The following LSP1 variants were observed in gnomAD, a reference collection of about 807,000 sequenced individuals.
LSP1 encodes the protein lymphocyte specific protein 1.
LSP1 carries 32 observed loss-of-function variants against 49.3 expected under a neutral mutation model. That is an observed-to-expected ratio of 0.65 (90% CI 0.49 to 0.87). The LOEUF is 0.87. Ranked by LOEUF, LSP1 falls within the 40% of genes least tolerant of loss-of-function variation. The pLI, the probability that LSP1 is intolerant of heterozygous loss-of-function variation, is 0.00. For missense variants in LSP1, 428 were observed against 442.6 expected, an observed-to-expected ratio of 0.97 and a Z score of 0.30; for synonymous variants, 179 against 178.8, an observed-to-expected ratio of 1.00 and a Z score of -0.01.
chr11:1,856,333 C>T (rs1370447239), intron 1 of LSP1, among the ~76,000 whole-genome samples: 1 of 152,274 alleles, frequency 6.6e-6, no homozygotes, highest in Non-Finnish European at 1.5e-5. Context: ...GTTGAACTCA[C>T]TTCCCATCCC....
chr11:1,861,059 G>A (rs1410794132), intron 1 of LSP1, among the ~76,000 whole-genome samples: 1 of 152,220 alleles, frequency 6.6e-6, no homozygotes. Flanking sequence ...CTATTAGAAA[G>A]ACGGATGTGT....
chr11:1,875,446 A>T (rs1464874768), intron 1 of LSP1, among the ~76,000 whole-genome samples: 1 of 152,046 alleles, frequency 6.6e-6, no homozygotes, highest in South Asian at 2.1e-4. Flanking sequence ...GCACAGAGCC[A>T]CTCCCTCTGA....
At chr11:1,874,292 G>A (rs542248682) in intron 1 of LSP1, among the ~76,000 whole-genome samples, 51 of 103,364 alleles carry the variant, frequency 4.9e-4, no homozygotes, top group Non-Finnish European at 8.1e-4. Context: ...GGGACGGGGG[G>A]GCAGTGTTGG....
chr11:1,881,189 C>T (rs1848522927), intron 2 of LSP1: 1 of 456,232 alleles, frequency 2.2e-6, no homozygotes, highest in Non-Finnish European at 3.9e-6. Flanking sequence ...TGCTGAGCCT[C>T]AAGGAGTCCT....
chr11:1,855,909 G>A (rs1847477528), intron 1 of LSP1, among the ~76,000 whole-genome samples: 2 of 152,202 alleles, frequency 1.3e-5, no homozygotes, highest in Non-Finnish European at 1.5e-5. Flanking sequence ...CGATGAGGAC[G>A]GGGCGTCCTG....
chr11:1,884,799 T>C lies in LSP1; in HGVS notation c.717+218T>C, dbSNP rs1848689538. Among the ~76,000 whole-genome samples, 1 of 151,732 alleles carries C rather than the reference T, an allele frequency of 6.6e-6. No homozygotes were observed. The highest frequency in any genetic ancestry group is 1.5e-5 in the Non-Finnish European group (1 of 67,924). On this transcript the variant is annotated intron_variant, in intron 7 of 10. Coordinates refer to ENST00000311604, the MANE Select transcript of LSP1 (RefSeq NM_002339.3). This position sits in a 1 kb window ranked among gnomAD's most constrained non-coding sequence, Gnocchi z 4.1. ...AATCAATGCCCCCCCTTTCAATCAA[T>C]GCTACTCCATCCAACCAATAATCTC...
chr11:1,890,686 G>A, intron 10 of LSP1: 1 of 623,984 alleles, frequency 1.6e-6, no homozygotes, highest in Non-Finnish European at 2.9e-6. Flanking sequence ...CCTGGGGCCA[G>A]GGGTGTGGAG....
intron 1 of LSP1, among the ~76,000 whole-genome samples, chr11:1,858,554 G>C (rs538138500): frequency 6.6e-6 from 1 of 152,202 alleles, no homozygotes; most frequent in Non-Finnish European, 1.5e-5. Context: ...TAAGGCAATC[G>C]AAGAGGGCTT....
At chr11:1,870,114 C>A in intron 1 of LSP1, 1 of 495,732 alleles carries the variant, frequency 2.0e-6, no homozygotes, top group Non-Finnish European at 4.0e-6. Context: ...CACTGGTGCT[C>A]ACTGTGCCTC....
At chr11:1,874,103 G>T (rs1848194437) in intron 1 of LSP1, among the ~76,000 whole-genome samples, 1 of 34,086 alleles carries the variant, frequency 2.9e-5, no homozygotes, top group African/African-American at 8.5e-5. Flanking sequence ...AGGGAGGCCG[G>T]CAGAGGAGGG....
intron 7 of LSP1, among the ~76,000 whole-genome samples, chr11:1,885,220 A>G (rs1848706752): frequency 6.6e-6 from 1 of 151,302 alleles, no homozygotes; most frequent in Non-Finnish European, 1.5e-5. Context: ...CCTCCATCCA[A>G]CCAATACTCA....
rs534587009 is a variant in LSP1 at position 1,876,853 on chromosome 11, T to A, written c.54-3234T>A. Among the ~76,000 whole-genome samples the A allele has an allele frequency of 1.4e-3, 212 of 152,202 alleles. 4 individuals carry two copies. The highest frequency in any genetic ancestry group is 0.012 in the Admixed American group (191 of 15,308). On this transcript the variant is annotated intron_variant, in intron 1 of 10. Transcript: ENST00000311604. Reference sequence around the variant, plus strand: ...CCGAACGAGGCATCCGTCAGAGTTCTGTGCATACTGGTGTCCCTGGCTGGG... The same window carrying A: ...CCGAACGAGGCATCCGTCAGAGTTCAGTGCATACTGGTGTCCCTGGCTGGG...
intron 1 of LSP1, chr11:1,867,017 C>T: frequency 8.6e-7 from 1 of 1,163,846 alleles, no homozygotes. Context: ...GGCCCAGGCT[C>T]AGGGCCAGTC....
chr11:1,872,757 G>A (rs1189196592), intron 1 of LSP1, among the ~76,000 whole-genome samples: 1 of 151,652 alleles, frequency 6.6e-6, no homozygotes, highest in Non-Finnish European at 1.5e-5. Flanking sequence ...GCTGGCGTGG[G>A]CACCTTTGGG....
At chr11:1,867,032 T>A in intron 1 of LSP1, 1 of 1,042,376 alleles carries the variant, frequency 9.6e-7, no homozygotes, top group Non-Finnish European at 1.3e-6. Context: ...CCAGTCCCTG[T>A]GGACCTGGGG....
chr11:1,885,823 A>C, intron 7 of LSP1, among the ~76,000 whole-genome samples: 1 of 147,532 alleles, frequency 6.8e-6, no homozygotes, highest in Non-Finnish European at 1.5e-5. Flanking sequence ...CTCCATCCAT[A>C]CTTTACTCCT....
At chr11:1,864,786 C>T (rs1175376639) in intron 1 of LSP1, among the ~76,000 whole-genome samples, 1 of 151,402 alleles carries the variant, frequency 6.6e-6, no homozygotes, top group Middle Eastern at 3.5e-3. Context: ...TGCAGACCCT[C>T]GTGCCAGGAG....
rs757527171 is a variant in LSP1, at chr11:1,880,104, G to A, written c.71G>A (p.Ser24Asn). The A allele has an allele frequency of 5.6e-6, 9 of 1,609,796 alleles. No homozygotes were observed. In the African/African-American group the frequency reaches 8.0e-5, roughly 14 times the overall value. The change falls in exon 2 of 11, where the codon AGC (serine) becomes AAC (asparagine). Residue 24 changes from serine (S) to asparagine (N), a missense_variant. Physicochemically the swap from Ser to Asn is conservative, Grantham distance 46 (BLOSUM62 1). Coordinates refer to ENST00000311604, the MANE Select transcript of LSP1 (RefSeq NM_002339.3). ...CCCACTAGGCCCACTGCTCAGTGGA[G>A]CGTGGAGGACGAGGAGGAGGCCGTC... The part of the protein sequence containing the change: ...EELLGPTAQW[S>N]VEDEEEAVHE...
chr11:1,865,391 G>A (rs975444798), intron 1 of LSP1: 7 of 237,310 alleles, frequency 2.9e-5, no homozygotes, highest in African/African-American at 4.7e-5. Flanking sequence ...CGTGGGCAGC[G>A]AGAGGGTGCC....
Sources: allele counts gnomAD v4.1 joint callset (sites outside exome capture counted in the v4.1 genomes callset), GRCh38; gene constraint gnomAD v4.1.1; non-coding constraint Gnocchi (gnomAD v3.1); transcripts MANE v1.5; gene names NCBI Gene and HGNC (gene_info 2026-07-23, HGNC 2026-07-21).